Variants in XKR9 observed in about 807,000 individuals in gnomAD.
The protein encoded by XKR9 is XK related 9, also known as XK-related protein 9.
In XKR9, 32 loss-of-function variants were observed where a neutral mutation model predicts 32.0. The observed-to-expected ratio is 1.00, with a 90% CI of 0.76 to 1.34. The LOEUF (loss-of-function observed/expected upper bound fraction) is 1.34, where lower values mean the gene tolerates loss of function less well. Among genes scored for constraint, XKR9 ranks in the 40% most tolerant of loss-of-function variants. The pLI, the probability that XKR9 is intolerant of heterozygous loss-of-function variation, is 0.00. For missense variants in XKR9, 546 were observed against 429.7 expected, an observed-to-expected ratio of 1.27 and a Z score of -2.39; for synonymous variants, 168 against 143.4, an observed-to-expected ratio of 1.17 and a Z score of -1.22.
At chr8:70,995,774 C>T in the XKR9 span, among the ~76,000 whole-genome samples, 1 of 152,180 alleles carries the variant, frequency 6.6e-6, no homozygotes, top group African/African-American at 2.4e-5. Context: ...CCCCAGTCTC[C>T]TGTGAATATG....
chr8:70,754,697 A>G (rs1807192327), intron 2 of XKR9, among the ~76,000 whole-genome samples: 1 of 151,214 alleles, frequency 6.6e-6, no homozygotes, highest in African/African-American at 2.4e-5. Flanking sequence ...TGCTGGGAAA[A>G]CTGGCTAGCC....
At chr8:70,794,305 A>T (rs1349354744), downstream of XKR9, among the ~76,000 whole-genome samples, 1 of 152,030 alleles carries the variant, frequency 6.6e-6, no homozygotes, top group Admixed American at 6.6e-5. Flanking sequence ...CTATAGAGAT[A>T]GTTTTATTCC....
At chr8:71,044,828 A>C in the XKR9 span, among the ~76,000 whole-genome samples, 2 of 152,240 alleles carry the variant, frequency 1.3e-5, no homozygotes, top group Admixed American at 6.5e-5. Context: ...ACATTTTTCT[A>C]TAGTTTATAT....
the XKR9 span, among the ~76,000 whole-genome samples, chr8:70,854,717 A>T: frequency 6.6e-6 from 1 of 152,180 alleles, no homozygotes; most frequent in African/African-American, 2.4e-5. Context: ...TAAGGAAAGG[A>T]TCCAGTTTCA....
chr8:70,842,099 G>A, the XKR9 span, among the ~76,000 whole-genome samples: 1 of 152,090 alleles, frequency 6.6e-6, no homozygotes, highest in African/African-American at 2.4e-5. Flanking sequence ...ATATTATAGT[G>A]TAAACAGAGC....
intron 3 of XKR9, among the ~76,000 whole-genome samples, chr8:70,700,191 C>T (rs554994380): frequency 6.6e-6 from 1 of 152,312 alleles, no homozygotes; most frequent in East Asian, 1.9e-4. Flanking sequence ...TCGTCAAAGT[C>T]ATTCTCTGTC....
chr8:70,696,540 A>G (rs1450354495), intron 3 of XKR9, among the ~76,000 whole-genome samples: 7 of 149,342 alleles, frequency 4.7e-5, no homozygotes, highest in Non-Finnish European at 1.0e-4. Context: ...CCATTGATCT[A>G]TATCTCTGTT....
downstream of XKR9, among the ~76,000 whole-genome samples, chr8:70,794,354 G>T (rs1269529802): frequency 1.3e-5 from 2 of 151,770 alleles, no homozygotes; most frequent in Non-Finnish European, 2.9e-5. Flanking sequence ...TCTTTCTCTT[G>T]CCTAATTACC....
At chr8:70,786,631 T>G (rs561591444) in intron 2 of XKR9, among the ~76,000 whole-genome samples, 2 of 152,304 alleles carry the variant, frequency 1.3e-5, no homozygotes, top group East Asian at 3.9e-4. Flanking sequence ...AATGTCTTCT[T>G]ACATTTCTTC....
intron 2 of XKR9, among the ~76,000 whole-genome samples, chr8:70,747,878 A>G (rs1219942983): frequency 6.6e-6 from 1 of 152,206 alleles, no homozygotes; most frequent in African/African-American, 2.4e-5. Context: ...CATATGTAAA[A>G]TAAGAATTAC....
At chr8:70,879,146 C>T in the XKR9 span, among the ~76,000 whole-genome samples, 13 of 152,126 alleles carry the variant, frequency 8.5e-5, no homozygotes, top group African/African-American at 2.7e-4. Flanking sequence ...TCTGGGGACA[C>T]ATTTAAAGCA....
the XKR9 span, among the ~76,000 whole-genome samples, chr8:70,987,466 G>A: frequency 1.3e-5 from 2 of 152,218 alleles, no homozygotes; most frequent in Non-Finnish European, 2.9e-5. Flanking sequence ...ATCCAGCAGG[G>A]CAGTCAAATC....
Position 70,744,114 on chromosome 8 carries a change from C to A in XKR9, n.352+36961C>A, listed in dbSNP as rs574113701. On this transcript the variant is annotated intron_variant and non_coding_transcript_variant, in intron 2 of 3. Transcript: ENST00000520273. ...TTACCTGACGTCAGGAGTTCAAGAC[C>A]ACTCTGGTCAACATGATGAAACCCC... Among the ~76,000 whole-genome samples the A allele has an allele frequency of 1.2e-4, 18 of 151,980 alleles. No homozygotes were observed. The South Asian group carries it at 3.5e-3, about 30-fold the overall frequency.
chr8:70,705,554 C>T (rs2132173581), intron 3 of XKR9, among the ~76,000 whole-genome samples: 1 of 151,750 alleles, frequency 6.6e-6, no homozygotes, highest in African/African-American at 2.4e-5. Context: ...AGACAAAGGC[C>T]CTTAAGTTGA....
intron 2 of XKR9, among the ~76,000 whole-genome samples, chr8:70,777,157 C>T (rs2130244280): frequency 6.6e-6 from 1 of 151,634 alleles, no homozygotes; most frequent in South Asian, 2.1e-4. Flanking sequence ...CTCCCTATGT[C>T]CATGTGTTCT....
the XKR9 span, among the ~76,000 whole-genome samples, chr8:70,871,224 C>T: frequency 2.6e-5 from 4 of 152,122 alleles, no homozygotes; most frequent in Non-Finnish European, 5.9e-5. Context: ...TATTAAATTT[C>T]ACCTACTGAG....
chr8:71,038,650 C>T, the XKR9 span, among the ~76,000 whole-genome samples: 6 of 148,606 alleles, frequency 4.0e-5, no homozygotes, highest in African/African-American at 1.5e-4. Context: ...ATATAGTTGT[C>T]ACTTGGTTAT....
chr8:70,896,607 A>G, the XKR9 span, among the ~76,000 whole-genome samples: 1 of 151,768 alleles, frequency 6.6e-6, no homozygotes, highest in Non-Finnish European at 1.5e-5. Context: ...TAATCTTTCA[A>G]AGAACCAGCT....
At position 70,711,532 on chromosome 8, in the gene XKR9, C is replaced by T. The variant is rs367862494; in HGVS notation, c.493+4379C>T. Among the ~76,000 whole-genome samples the T allele has an allele frequency of 1.2e-4, 18 of 152,236 alleles. 1 individual carries two copies. The South Asian group carries it at 3.3e-3, about 28-fold the overall frequency. On this transcript the variant is annotated intron_variant, in intron 4 of 4. Transcript: ENST00000408926. ...AGTGAATTAATGCAGGAACAGAAAA[C>T]CAAATACCACAGTGTTCTCACTTAT...
Sources: gnomAD v4.1 joint callset for allele counts (sites outside exome capture counted in the v4.1 genomes callset) on GRCh38, gnomAD v4.1.1 for gene constraint, MANE v1.5 for transcripts, NCBI Gene and HGNC (gene_info 2026-07-23, HGNC 2026-07-21) for gene names.